Variants in EPB41 observed in about 807,000 individuals in gnomAD.
The protein encoded by EPB41 is erythrocyte membrane protein band 4.1, also known as protein 4.1.
In EPB41, 65 loss-of-function variants were observed where a neutral mutation model predicts 108.0. The observed-to-expected ratio is 0.60, with a 90% confidence interval of 0.49 to 0.74. The LOEUF is 0.74. EPB41 is among the 30% of genes least tolerant of loss of function. EPB41 has a pLI of 0.00. For missense variants in EPB41, 875 were observed against 1,037.0 expected (o/e 0.84, Z 2.15); for synonymous variants, 336 against 358.9 (o/e 0.94, Z 0.72).
intron 16 of EPB41, chr1:29,073,110 CAAAAAAAAAAA>C (rs34560398): frequency 2.8e-5 from 2 of 70,488 alleles, no homozygotes; most frequent in East Asian, 1.0e-3. Context: ...GACTCTGTCT[CAAAAAAAAAAA>C]AAAAAAAAAA....
Position 28,951,770 on chromosome 1 carries a change from C to T in EPB41, c.-7-35661C>T, listed in dbSNP as rs140718431. ...TTGGGAGGCTGAGATGGGAGGATCA[C>T]TTGAGCCTGGGAGGTTGAGGCTGCA... is the stretch of plus-strand genomic sequence containing the variant. On this transcript the variant is annotated intron_variant, in intron 1 of 20. Transcript: ENST00000343067. Among the ~76,000 whole-genome samples the T allele has an allele frequency of 3.3e-5, 5 of 152,270 alleles. No homozygotes were observed. In the East Asian group the frequency reaches 9.6e-4, roughly 29 times the overall value.
At chr1:28,984,124 G>C (rs1420471089) in intron 1 of EPB41, among the ~76,000 whole-genome samples, 2 of 152,112 alleles carry the variant, frequency 1.3e-5, no homozygotes, top group Non-Finnish European at 2.9e-5. Context: ...CTGAAGTCAA[G>C]CTGCTTCTCT....
At chr1:29,086,940 C>CTTTTTTTTTTTTT (rs386366593) in intron 16 of EPB41, among the ~76,000 whole-genome samples, 1 of 98,564 alleles carries the variant, frequency 1.0e-5, no homozygotes, top group African/African-American at 4.0e-5. Flanking sequence ...AACTGTGGTT[C>CTTTTTTTTTTTTT]TTTTTTTTTT....
chr1:29,082,003 T>C (rs556444803), intron 16 of EPB41, among the ~76,000 whole-genome samples: 22 of 152,350 alleles, frequency 1.4e-4, no homozygotes, highest in African/African-American at 5.3e-4. Flanking sequence ...TTTTCACTAT[T>C]ATACGATTTC....
chr1:29,073,357 G>A (rs145693592), intron 16 of EPB41, among the ~76,000 whole-genome samples: 79 of 152,200 alleles, frequency 5.2e-4, no homozygotes, highest in Middle Eastern at 6.8e-3. Flanking sequence ...ACTACTTGGT[G>A]CCCAGATTTC....
rs1572093576 is a variant in EPB41 at position 28,993,654 on chromosome 1, T to C, written c.681+112T>C. The C allele has an allele frequency of 2.5e-5, 23 of 906,746 alleles. No homozygotes were observed. In the East Asian group the frequency reaches 6.7e-4, roughly 26 times the overall value. The allele number at this position is 906,746 out of a possible 1,614,324, so 56.2% of individuals were successfully genotyped here. ...GACTCACTGTAGTGATTATTTCTTTTTTCTTTTTTTTTTTTTTTTTGAGAC... is the reference window on the plus strand; with the variant it reads ...GACTCACTGTAGTGATTATTTCTTTCTTCTTTTTTTTTTTTTTTTTGAGAC... On this transcript the variant is annotated intron_variant, in intron 3 of 20. Coordinates refer to ENST00000343067, the MANE Select transcript of EPB41 (RefSeq NM_001376013.1).
At chr1:28,938,382 A>G (rs1293508486) in intron 1 of EPB41, among the ~76,000 whole-genome samples, 1 of 152,044 alleles carries the variant, frequency 6.6e-6, no homozygotes, top group South Asian at 2.1e-4. Context: ...TCTTTCATTG[A>G]TGGGTTATAG....
chr1:29,018,341 C>T lies in EPB41; in HGVS notation c.1023C>T (p.Asp341=). The change falls in exon 7 of 21, where the codon GAC becomes GAT. Residue 341 remains aspartate, a synonymous_variant. Transcript: ENST00000343067. This position sits in a 1 kb window ranked among gnomAD's most constrained non-coding sequence, Gnocchi z 4.4. ...YTIQSELGDY[D]PELHGVDYVS... Reference sequence around the variant, plus strand: ...TCCAGTCTGAACTGGGAGACTACGACCCAGAACTCCATGGCGTGGATTATG... The same window carrying T: ...TCCAGTCTGAACTGGGAGACTACGATCCAGAACTCCATGGCGTGGATTATG... 1 of 1,614,172 alleles carries T rather than the reference C, an allele frequency of 6.2e-7. No individual in the cohort carries two copies. Among genetic ancestry groups the T allele is most frequent in the African/African-American group, 1.3e-5 (1 of 75,036 alleles).
At chr1:29,032,097 T>TAAAAAAAAAAAAAA (rs76135314) in intron 8 of EPB41, among the ~76,000 whole-genome samples, 2 of 128,056 alleles carry the variant, frequency 1.6e-5, no homozygotes, top group African/African-American at 2.9e-5. Context: ...GACTCTGTCT[T>TAAAAAAAAAAAAAA]AAAAAAAAAA....
intron 17 of EPB41, among the ~76,000 whole-genome samples, chr1:29,104,571 A>G (rs1359621448): frequency 6.6e-6 from 1 of 151,444 alleles, no homozygotes; most frequent in African/African-American, 2.4e-5. Flanking sequence ...GCACACCACT[A>G]CATGTGACTT....
intron 16 of EPB41, among the ~76,000 whole-genome samples, chr1:29,084,630 G>T (rs1658045783): frequency 6.6e-6 from 1 of 152,316 alleles, no homozygotes; most frequent in East Asian, 1.9e-4. Context: ...TAAGCTTTGA[G>T]GCTAGAAACA....
At chr1:29,020,389 A>G (rs1057010811) in intron 7 of EPB41, among the ~76,000 whole-genome samples, 6 of 152,164 alleles carry the variant, frequency 3.9e-5, no homozygotes, top group Non-Finnish European at 8.8e-5. Flanking sequence ...ATTTACATAT[A>G]TAAAAAATAG....
chr1:28,978,669 A>C (rs1362811554), intron 1 of EPB41, among the ~76,000 whole-genome samples: 1 of 151,336 alleles, frequency 6.6e-6, no homozygotes, highest in Non-Finnish European at 1.5e-5. Flanking sequence ...GGTGGGGAAG[A>C]TCTGCCCTCA....
chr1:29,040,761 G>A (rs1421458049), intron 11 of EPB41, among the ~76,000 whole-genome samples: 1 of 152,152 alleles, frequency 6.6e-6, no homozygotes, highest in Admixed American at 6.6e-5. Context: ...GATCTTCTAA[G>A]TTAGCATTTG....
intron 18 of EPB41, among the ~76,000 whole-genome samples, chr1:29,110,017 G>A (rs115551772): frequency 0.018 from 2,760 of 151,762 alleles, 84 homozygotes; most frequent in African/African-American, 0.064. Flanking sequence ...CTGGGTGAGC[G>A]AGCAGACTCT....
intron 7 of EPB41, among the ~76,000 whole-genome samples, chr1:29,025,707 A>G (rs1203389453): frequency 6.6e-6 from 1 of 151,912 alleles, no homozygotes; most frequent in African/African-American, 2.4e-5. Flanking sequence ...AATTTTATAC[A>G]GTGAATGTGT....
chr1:29,099,316 A>G (rs1456474895), intron 17 of EPB41, among the ~76,000 whole-genome samples: 3 of 149,948 alleles, frequency 2.0e-5, no homozygotes, highest in African/African-American at 7.4e-5. Flanking sequence ...CTGGTGAGCC[A>G]CTACGCCTGG....
intron 4 of EPB41, among the ~76,000 whole-genome samples, chr1:29,001,548 G>A (rs185963201): frequency 1.3e-5 from 2 of 152,240 alleles, no homozygotes; most frequent in East Asian, 3.9e-4. Context: ...GGATGTAATC[G>A]TTTTTGAGAC....
At chr1:29,089,729 T>C (rs1660507960) in intron 16 of EPB41, among the ~76,000 whole-genome samples, 1 of 152,204 alleles carries the variant, frequency 6.6e-6, no homozygotes, top group Non-Finnish European at 1.5e-5. Context: ...GAGTTGTAGC[T>C]GGATGAAGCT....
Sources: gnomAD v4.1 joint callset for allele counts (sites outside exome capture counted in the v4.1 genomes callset) on GRCh38, gnomAD v4.1.1 for gene constraint, Gnocchi (gnomAD v3.1) non-coding constraint, MANE v1.5 for transcripts, NCBI Gene and HGNC (gene_info 2026-07-23, HGNC 2026-07-21) for gene names.